Variants in EDNRA observed in about 807,000 individuals in gnomAD.
EDNRA encodes the protein endothelin-1 receptor.
A neutral mutation model predicts 41.4 loss-of-function variants in EDNRA; 11 were observed. That is an observed-to-expected ratio of 0.27 (90% confidence interval 0.17 to 0.44). The LOEUF is 0.44. EDNRA is among the 20% of genes least tolerant of loss of function. The probability of loss-of-function intolerance (pLI) is 1.00; values close to 1 mark genes in which losing one functional copy is unlikely to be tolerated. For synonymous variants in EDNRA, 172 were observed against 183.0 expected (o/e 0.94, Z 0.49); for missense variants, 294 against 531.0 (o/e 0.55, Z 4.39).
chr4:147,493,840 AAATT>A (rs1220624604), intron 2 of EDNRA: 1 of 152,174 alleles, frequency 6.6e-6, no homozygotes, highest in Non-Finnish European at 1.5e-5. Flanking sequence ...ACCTGGAAAA[AAATT>A]AAATAAATAA....
intron 3 of EDNRA, among the ~76,000 whole-genome samples, chr4:147,526,950 T>C (rs942630842): frequency 2.0e-5 from 3 of 152,160 alleles, no homozygotes; most frequent in Non-Finnish European, 4.4e-5. Flanking sequence ...ACCCTATCTC[T>C]AAAAAAGAAT....
chr4:147,523,872 G>T (rs1730433815), intron 3 of EDNRA, among the ~76,000 whole-genome samples: 1 of 152,078 alleles, frequency 6.6e-6, no homozygotes, highest in African/African-American at 2.4e-5. Flanking sequence ...GTATGAAGAG[G>T]CAGGTCTGAC....
chr4:147,490,130 C>T (rs1729086137), intron 2 of EDNRA: 1 of 145,440 alleles, frequency 6.9e-6, no homozygotes. Flanking sequence ...GTTCCTATAG[C>T]CCTTGCTTAC....
In EDNRA at chr4:147,519,840, C is replaced by G; in HGVS notation, c.421-11C>G. 6.2e-7 allele frequency: 1 copy of G among 1,613,288 alleles called. No individual in the cohort carries two copies. Among genetic ancestry groups the G allele is most frequent in the Non-Finnish European group, 8.5e-7 (1 of 1,179,544 alleles). On this transcript the variant is annotated splice_polypyrimidine_tract_variant and intron_variant, in intron 2 of 7. Coordinates refer to ENST00000651419, the MANE Select transcript of EDNRA (RefSeq NM_001957.4). The surrounding 1 kb of genome is among the most constrained non-coding windows in gnomAD (Gnocchi z 4.1). ...TCTACCATTTCTTACCACTGTGTCT[C>G]CTTCTTTCAGCTGCTGGCTGGGCGC...
intron 2 of EDNRA, among the ~76,000 whole-genome samples, chr4:147,511,152 C>T (rs959964558): frequency 6.6e-6 from 1 of 152,156 alleles, no homozygotes; most frequent in Non-Finnish European, 1.5e-5. Context: ...CTCGACACCA[C>T]AAATTGCATT....
At chr4:147,482,333 C>T (rs984457) in intron 1 of EDNRA, among the ~76,000 whole-genome samples, 57,495 of 152,044 alleles carry the variant, frequency 0.38, 12,134 homozygotes, top group African/African-American at 0.58. Flanking sequence ...AAAGTGTAAG[C>T]GTAAGGATTC....
intron 1 of EDNRA, 111 bp from the exon 2 acceptor site, chr4:147,485,501 T>C (rs1728912903): frequency 1.3e-6 from 1 of 745,720 alleles, no homozygotes. Flanking sequence ...ATATATCTTA[T>C]CTAATCACCA....
chr4:147,541,067 C>CAAA (rs10551607), intron 7 of EDNRA, among the ~76,000 whole-genome samples: 6 of 46,158 alleles, frequency 1.3e-4, no homozygotes, highest in Admixed American at 3.1e-4. Context: ...GACTCAGTCT[C>CAAA]AAAAAAAAAA....
intron 5 of EDNRA, among the ~76,000 whole-genome samples, chr4:147,538,898 T>G (rs1407249360): frequency 5.3e-5 from 8 of 152,222 alleles, no homozygotes; most frequent in Admixed American, 2.6e-4. Flanking sequence ...AGTTTTATTT[T>G]GACATTAACT....
At chr4:147,540,855 A>G (rs1265743310) in intron 7 of EDNRA, among the ~76,000 whole-genome samples, 1 of 152,024 alleles carries the variant, frequency 6.6e-6, no homozygotes, top group Non-Finnish European at 1.5e-5. Context: ...TATAAGCTCT[A>G]TTGTTAAGAA....
At chr4:147,497,732 T>C (rs1456815224) in intron 2 of EDNRA, among the ~76,000 whole-genome samples, 1 of 152,044 alleles carries the variant, frequency 6.6e-6, no homozygotes, top group Non-Finnish European at 1.5e-5. Flanking sequence ...CCACCAAGCC[T>C]GGCTAATTTA....
intron 5 of EDNRA, among the ~76,000 whole-genome samples, chr4:147,539,265 C>T (rs781639459): frequency 8.6e-5 from 13 of 151,982 alleles, no homozygotes; most frequent in Admixed American, 8.5e-4. Context: ...AAGGAAAAAA[C>T]ATAGTGCTAT....
intron 2 of EDNRA, among the ~76,000 whole-genome samples, chr4:147,504,171 G>A (rs374478448): frequency 1.3e-5 from 2 of 152,240 alleles, no homozygotes; most frequent in South Asian, 2.1e-4. Context: ...GATTTTCATC[G>A]TCTTTTCAGA....
Position 147,519,798 on chromosome 4 carries a change from A to C in EDNRA, c.421-53A>C. On this transcript the variant is annotated intron_variant, in intron 2 of 7. Coordinates refer to ENST00000651419, the MANE Select transcript of EDNRA (RefSeq NM_001957.4). This position sits in a 1 kb window ranked among gnomAD's most constrained non-coding sequence, Gnocchi z 4.1. The stretch of plus-strand genomic sequence containing the variant: ...CGCATAACTAAAACTGTAAGTGCCC[A>C]CATGCTCCGTGCCAGCTCTACCATT... The C allele has an allele frequency of 6.3e-7, 1 of 1,591,084 alleles. No individual in the cohort carries two copies. The highest frequency in any genetic ancestry group is 8.6e-7 in the Non-Finnish European group (1 of 1,167,794).
chr4:147,519,800 A>G lies in EDNRA; in HGVS notation c.421-51A>G. The G allele has an allele frequency of 1.3e-6, 2 of 1,591,784 alleles. No individual in the cohort carries two copies. Among genetic ancestry groups the G allele is most frequent in the Non-Finnish European group, 1.7e-6 (2 of 1,168,094 alleles). ...CATAACTAAAACTGTAAGTGCCCAC[A>G]TGCTCCGTGCCAGCTCTACCATTTC... is the stretch of plus-strand genomic sequence containing the variant. On this transcript the variant is annotated intron_variant, in intron 2 of 7. Coordinates refer to ENST00000651419, the MANE Select transcript of EDNRA (RefSeq NM_001957.4). The surrounding 1 kb of genome is among the most constrained non-coding windows in gnomAD (Gnocchi z 4.1).
intron 2 of EDNRA, among the ~76,000 whole-genome samples, chr4:147,517,553 T>C (rs1038059178): frequency 1.3e-5 from 2 of 152,188 alleles, no homozygotes; most frequent in African/African-American, 4.8e-5. Context: ...ATGAAGGACA[T>C]ACAAGTTAGG....
At chr4:147,501,668 G>A (rs1729521087) in intron 2 of EDNRA, among the ~76,000 whole-genome samples, 1 of 152,128 alleles carries the variant, frequency 6.6e-6, no homozygotes, top group African/African-American at 2.4e-5. Context: ...TCAATTGACA[G>A]TACATCCTGG....
chr4:147,499,067 T>C (rs1370623308), intron 2 of EDNRA, among the ~76,000 whole-genome samples: 1 of 152,216 alleles, frequency 6.6e-6, no homozygotes, highest in Non-Finnish European at 1.5e-5. Context: ...CTTTTTCTTC[T>C]TTTTTCGAGA....
chr4:147,524,840 A>T (rs1397687967), intron 3 of EDNRA, among the ~76,000 whole-genome samples: 1 of 152,216 alleles, frequency 6.6e-6, no homozygotes, highest in Non-Finnish European at 1.5e-5. Flanking sequence ...TTAATTCCTG[A>T]AGATAAGATT....
Sources: gnomAD v4.1 joint callset for allele counts (sites outside exome capture counted in the v4.1 genomes callset) on GRCh38, gnomAD v4.1.1 for gene constraint, Gnocchi (gnomAD v3.1) non-coding constraint, MANE v1.5 for transcripts, NCBI Gene and HGNC (gene_info 2026-07-23, HGNC 2026-07-21) for gene names.